Variants in KIF15 observed in about 807,000 individuals in gnomAD.
KIF15 encodes the protein kinesin-like protein KIF15.
In KIF15, 140 loss-of-function variants were observed where a neutral mutation model predicts 190.6. The observed-to-expected ratio is 0.73, with a 90% CI of 0.64 to 0.84. The LOEUF (loss-of-function observed/expected upper bound fraction) is 0.84. KIF15 is among the 40% of genes least tolerant of loss of function. The probability of loss-of-function intolerance (pLI) is 0.00; values close to 1 mark genes in which losing one functional copy is unlikely to be tolerated. For synonymous variants in KIF15, 528 were observed against 551.3 expected, an observed-to-expected ratio of 0.96 and a Z score of 0.59; for missense variants, 1,372 against 1,584.4, an observed-to-expected ratio of 0.87 and a Z score of 2.28.
At chr3:44,768,197 C>T (rs1054025322) in intron 1 of KIF15, among the ~76,000 whole-genome samples, 2 of 151,514 alleles carry the variant, frequency 1.3e-5, no homozygotes, top group African/African-American at 4.9e-5. Flanking sequence ...TTGCTTGAAT[C>T]TGGGAGGTGG....
chr3:44,768,174 G>A (rs934936887), intron 1 of KIF15, among the ~76,000 whole-genome samples: 1 of 151,848 alleles, frequency 6.6e-6, no homozygotes, highest in Non-Finnish European at 1.5e-5. Flanking sequence ...TTGGGAGGCT[G>A]AGGGCAGGGG....
At chr3:44,804,595 T>C (rs1197567738) in intron 14 of KIF15, among the ~76,000 whole-genome samples, 2 of 152,226 alleles carry the variant, frequency 1.3e-5, no homozygotes, top group African/African-American at 4.8e-5. Context: ...AGGTGTTGCC[T>C]TAACTACACT....
At chr3:44,776,574 T>G (rs1705902266) in intron 3 of KIF15, among the ~76,000 whole-genome samples, 1 of 152,216 alleles carries the variant, frequency 6.6e-6, no homozygotes, top group East Asian at 1.9e-4. Context: ...TCTGAGGCAC[T>G]GGAGGTTAGT....
intron 7 of KIF15, among the ~76,000 whole-genome samples, chr3:44,792,474 A>T (rs556449393): frequency 5.3e-5 from 8 of 151,810 alleles, no homozygotes; most frequent in Admixed American, 3.3e-4. Flanking sequence ...ACTCTGTCTT[A>T]AAAAAAAGAA....
chr3:44,820,482 G>A (rs1356787151), intron 20 of KIF15, among the ~76,000 whole-genome samples: 1 of 152,108 alleles, frequency 6.6e-6, no homozygotes, highest in African/African-American at 2.4e-5. Flanking sequence ...GTTTTCCTAG[G>A]CGGAGGACCC....
At chr3:44,813,360 G>A (rs553421343) in intron 19 of KIF15, 180 bp downstream of exon 19, 2 of 446,724 alleles carry the variant, frequency 4.5e-6, no homozygotes, top group Admixed American at 4.5e-5. Context: ...ATCATAAAAG[G>A]TAAATTTCTC....
chr3:44,815,167 C>T, intron 20 of KIF15, 91 bp downstream of exon 20: 1 of 1,090,310 alleles, frequency 9.2e-7, no homozygotes, highest in Non-Finnish European at 1.3e-6. Context: ...CAACTCAAAG[C>T]AGTTAGACAA....
chr3:44,770,262 A>G (rs766356821), intron 1 of KIF15, among the ~76,000 whole-genome samples: 100 of 152,312 alleles, frequency 6.6e-4, no homozygotes, highest in Middle Eastern at 3.4e-3. Context: ...TTGGTCTTAT[A>G]CTTGGCTTGA....
At chr3:44,864,542 T>C (rs557070757) in intron 6 of KIF15, among the ~76,000 whole-genome samples, 1 of 152,288 alleles carries the variant, frequency 6.6e-6, no homozygotes, top group East Asian at 1.9e-4. Flanking sequence ...AAGTTAGATA[T>C]GAGTGAAGCC....
chr3:44,856,619 T>C (rs1699192082), downstream of KIF15, among the ~76,000 whole-genome samples: 1 of 152,040 alleles, frequency 6.6e-6, no homozygotes, highest in Non-Finnish European at 1.5e-5. Context: ...AAACTGGCCA[T>C]GAGGGACAGA....
At chr3:44,830,123 C>A in intron 25 of KIF15, 48 bp downstream of exon 25, 1 of 1,010,426 alleles carries the variant, frequency 9.9e-7, no homozygotes, top group Non-Finnish European at 1.4e-6. Context: ...TGGGACACTT[C>A]ACAGACTTTT....
In KIF15 at chr3:44,787,856, T is replaced by A. The variant is rs542710523; in HGVS notation, c.639+1282T>A. 3.3e-5 allele frequency among the ~76,000 whole-genome samples: 5 copies of A among 152,274 alleles called. No homozygotes were observed. The South Asian group carries it at 8.3e-4, about 25-fold the overall frequency. On this transcript the variant is annotated intron_variant, in intron 7 of 34. Transcript: ENST00000326047. ...TTCTTATTTTCATTTTTATTTATTTTTTTATTTGTTTTTTTGGAGACAGAA... is the reference window on the plus strand; with the variant it reads ...TTCTTATTTTCATTTTTATTTATTTATTTATTTGTTTTTTTGGAGACAGAA...
intron 29 of KIF15, among the ~76,000 whole-genome samples, chr3:44,842,429 T>C (rs1698654993): frequency 6.6e-6 from 1 of 152,194 alleles, no homozygotes; most frequent in Non-Finnish European, 1.5e-5. Flanking sequence ...AGGTCATTGC[T>C]CTGCAGGGAG....
At chr3:44,861,932 A>C in intron 6 of KIF15, 1 of 1,442,434 alleles carries the variant, frequency 6.9e-7, no homozygotes, top group Non-Finnish European at 9.1e-7. Context: ...AACATGGCCG[A>C]GAGGCCGGGG....
At chr3:44,779,781 C>A (rs570901612) in intron 4 of KIF15, among the ~76,000 whole-genome samples, 23 of 146,990 alleles carry the variant, frequency 1.6e-4, no homozygotes, top group African/African-American at 4.6e-4. Flanking sequence ...TTGCAGTGAG[C>A]CGAGATCGTG....
At position 44,827,503 on chromosome 3, in the gene KIF15, AAG is replaced by A; in HGVS notation, c.2835_2836del (p.Glu945AspfsTer5). On this transcript the variant is annotated frameshift_variant, in exon 23 of 35. Transcript: ENST00000326047. LOFTEE classifies it high-confidence loss of function. ...GAGGCTGTACGTCAGGAGAAACAGAAAGAGACGGCCAAGTGTGAGCAGCAGGT... is the reference window on the plus strand; with the variant it reads ...GAGGCTGTACGTCAGGAGAAACAGAAAGACGGCCAAGTGTGAGCAGCAGGT... 1 of 1,612,234 alleles carries A rather than the reference AAG, an allele frequency of 6.2e-7. No individual in the cohort carries two copies. The highest frequency in any genetic ancestry group is 8.5e-7 in the Non-Finnish European group (1 of 1,178,412).
intron 6 of KIF15, among the ~76,000 whole-genome samples, chr3:44,864,635 T>TA (rs1184628718): frequency 6.6e-6 from 1 of 152,176 alleles, no homozygotes; most frequent in Non-Finnish European, 1.5e-5. Context: ...AGCTGTTTCC[T>TA]AGGGTTCTGT....
At chr3:44,801,736 T>C in intron 12 of KIF15, 29 bp from the exon 13 acceptor site, 1 of 1,378,954 alleles carries the variant, frequency 7.3e-7, no homozygotes, top group South Asian at 1.2e-5. Flanking sequence ...TTATTTTTCA[T>C]GTTTAACCAA....
intron 1 of KIF15, among the ~76,000 whole-genome samples, chr3:44,766,807 C>CTTTTT (rs766382105): frequency 2.7e-3 from 320 of 118,500 alleles, no homozygotes; most frequent in Non-Finnish European, 3.7e-3. Flanking sequence ...TTCTTTCTTT[C>CTTTTT]TTTTTTTTTT....
Sources: allele counts gnomAD v4.1 joint callset (sites outside exome capture counted in the v4.1 genomes callset), GRCh38; gene constraint gnomAD v4.1.1; transcripts MANE v1.5; gene names NCBI Gene and HGNC (gene_info 2026-07-23, HGNC 2026-07-21).